The following TGM7 variants were observed in gnomAD, a reference collection of about 807,000 sequenced individuals.
The protein encoded by TGM7 is protein-glutamine gamma-glutamyltransferase Z.
In TGM7, 74 loss-of-function variants were observed where a neutral mutation model predicts 79.5. The observed-to-expected ratio is 0.93, with a 90% CI of 0.77 to 1.13. The LOEUF (loss-of-function observed/expected upper bound fraction) is 1.13. Among genes scored for constraint, TGM7 ranks in the 50% most tolerant of loss-of-function variants. The pLI is 0.00. For missense variants in TGM7, 912 were observed against 905.9 expected, an observed-to-expected ratio of 1.01 and a Z score of -0.09; for synonymous variants, 354 against 362.5, an observed-to-expected ratio of 0.98 and a Z score of 0.27.
intron 4 of TGM7, among the ~76,000 whole-genome samples, chr15:43,290,965 T>C (rs2142414238): frequency 6.6e-6 from 1 of 152,362 alleles, no homozygotes; most frequent in South Asian, 2.1e-4. Context: ...GATTTTGGGC[T>C]GAGACGTTGG....
In TGM7 at chr15:43,284,844, A is replaced by T. The variant is rs2042926866; in HGVS notation, c.974T>A (p.Met325Lys). The change falls in exon 7 of 13, where the codon ATG (methionine) becomes AAG (lysine). Residue 325 changes from methionine to lysine, a missense_variant. Physicochemically the swap from Met to Lys is moderately conservative, Grantham distance 95. Coordinates refer to ENST00000452443, the MANE Select transcript of TGM7 (RefSeq NM_052955.3). ...TTTGTCTCGTTTCTGAGTTGACAGCATCTCGGCATTTCGGTCATAGTACGT... is the reference window on the plus strand; with the variant it reads ...TTTGTCTCGTTTCTGAGTTGACAGCTTCTCGGCATTTCGGTCATAGTACGT... ...IDTYYDRNAE[M>K]LSTQKRDKIW... 1 of 1,614,068 alleles carries T rather than the reference A, an allele frequency of 6.2e-7. No individual in the cohort carries two copies.
In TGM7 at chr15:43,279,856, C is replaced by G. The variant is rs1191004890; in HGVS notation, c.1447G>C (p.Gly483Arg). The change falls in exon 10 of 13, where the codon GGG (glycine) becomes CGG (arginine). Residue 483 changes from glycine (G) to arginine (R), a missense_variant. Coordinates refer to ENST00000452443, the MANE Select transcript of TGM7 (RefSeq NM_052955.3). ...TGCGCTGGCTGATCCCTAAGACCCC[C>G]AGACTCCAGGAGATCCAGGAAGGGC... ...SLPFLDLLES[G>R]GLRDQPAQLQ... 9 of 1,614,256 alleles carry G rather than the reference C, an allele frequency of 5.6e-6. No individual in the cohort carries two copies. The highest frequency in any genetic ancestry group is 7.6e-6 in the Non-Finnish European group (9 of 1,180,050).
intron 1 of TGM7, among the ~76,000 whole-genome samples, chr15:43,294,903 CT>C (rs113207212): frequency 2.0e-3 from 290 of 143,932 alleles, no homozygotes; most frequent in Middle Eastern, 3.7e-3. Context: ...TATCTTGATC[CT>C]TTTTTTTTTT....
chr15:43,287,273 C>G lies in TGM7; in HGVS notation c.865+7G>C. 6.2e-7 allele frequency: 1 copy of G among 1,611,314 alleles called. No homozygotes were observed. Among genetic ancestry groups the G allele is most frequent in the Non-Finnish European group, 8.5e-7 (1 of 1,179,260 alleles). On this transcript the variant is annotated splice_region_variant and intron_variant, in intron 6 of 12. Transcript: ENST00000452443. ...TCACACCCCTAAGTGAGTGATCTTTCGCTCACCGGTGCACATAACAGAGGC... is the reference window on the plus strand; with the variant it reads ...TCACACCCCTAAGTGAGTGATCTTTGGCTCACCGGTGCACATAACAGAGGC...
rs530951588 is a variant in TGM7 at position 43,282,017 on chromosome 15, G to C, written c.1178C>G (p.Thr393Ser). 3 of 1,614,180 alleles carry C rather than the reference G, an allele frequency of 1.9e-6. No homozygotes were observed. The highest frequency in any genetic ancestry group is 2.5e-6 in the Non-Finnish European group (3 of 1,180,030). ...REGDVHLAYD[T>S]PFVYAEVNAD... Reference sequence around the variant, plus strand: ...GTTCACCTCGGCATACACAAAAGGGGTGTCATAGGCCAGGTGGACATCCCC... The same window carrying C: ...GTTCACCTCGGCATACACAAAAGGGCTGTCATAGGCCAGGTGGACATCCCC... The change falls in exon 9 of 13, where the codon ACC (threonine) becomes AGC (serine). Residue 393 changes from threonine to serine, a missense_variant. Transcript: ENST00000452443.
At chr15:43,280,727 C>T (rs1407556625) in intron 9 of TGM7, among the ~76,000 whole-genome samples, 1 of 152,166 alleles carries the variant, frequency 6.6e-6, no homozygotes, top group African/African-American at 2.4e-5. Context: ...ATCATTACCA[C>T]AGTTACTACT....
In TGM7 at chr15:43,276,335, C is replaced by T; in HGVS notation, c.*120G>A. 8.4e-7 allele frequency: 1 copy of T among 1,189,910 alleles called. No homozygotes were observed. Among genetic ancestry groups the T allele is most frequent in the East Asian group, 2.4e-5 (1 of 41,524 alleles). 73.7% of individuals were successfully genotyped at this position (1,189,910 alleles called of 1,614,324 possible). A position where few individuals can be genotyped will look rare whatever the true frequency, so the allele number is the denominator to read the frequency against. On this transcript the variant is annotated 3_prime_UTR_variant, in exon 13 of 13. Transcript: ENST00000452443. ...AAAGCACACGGTGTTTCTAACAGAG[C>T]TTCATTCATTCCCAGGCAGGCTAGA... is the stretch of plus-strand genomic sequence containing the variant.
intron 4 of TGM7, among the ~76,000 whole-genome samples, chr15:43,288,312 C>T (rs1427752210): frequency 1.3e-5 from 2 of 152,148 alleles, no homozygotes; most frequent in East Asian, 1.9e-4. Flanking sequence ...ATGGGGAAAA[C>T]GTGCTCTCCC....
At position 43,279,103 on chromosome 15, in the gene TGM7, T is replaced by G; in HGVS notation, c.1839+14A>C. The G allele has an allele frequency of 6.2e-7, 1 of 1,607,214 alleles. No individual in the cohort carries two copies. The highest frequency in any genetic ancestry group is 1.1e-5 in the South Asian group (1 of 90,446). On this transcript the variant is annotated intron_variant, in intron 11 of 12. Coordinates refer to ENST00000452443, the MANE Select transcript of TGM7 (RefSeq NM_052955.3). ...CAGAGAGCCTCAGAGCCCCCACCCA[T>G]GTCCAGACACTACCTCAATAGACAA...
At chr15:43,295,442 T>C (rs946500045) in intron 1 of TGM7, among the ~76,000 whole-genome samples, 3 of 152,098 alleles carry the variant, frequency 2.0e-5, no homozygotes, top group Non-Finnish European at 4.4e-5. Context: ...ATACAAAAAT[T>C]AGCCAGGCCT....
chr15:43,284,666 G>C, intron 7 of TGM7, 148 bp downstream of exon 7: 1 of 968,292 alleles, frequency 1.0e-6, no homozygotes, highest in Non-Finnish European at 1.6e-6. Context: ...ACAGCCTCCT[G>C]GGTTGGGGAA....
At chr15:43,277,780 T>C (rs1057468291) in intron 11 of TGM7, among the ~76,000 whole-genome samples, 2 of 152,160 alleles carry the variant, frequency 1.3e-5, no homozygotes, top group African/African-American at 4.8e-5. Context: ...ACTAGGGGCT[T>C]GTTCTGGCTG....
intron 9 of TGM7, among the ~76,000 whole-genome samples, chr15:43,280,825 G>C (rs753877044): frequency 7.9e-5 from 12 of 152,202 alleles, no homozygotes; most frequent in Non-Finnish European, 1.5e-4. Flanking sequence ...TTAAGGAAAG[G>C]CTAGCATGCG....
chr15:43,290,972 T>C (rs937568634), intron 4 of TGM7, among the ~76,000 whole-genome samples: 9 of 152,270 alleles, frequency 5.9e-5, no homozygotes, highest in African/African-American at 9.6e-5. Flanking sequence ...GGCTGAGACG[T>C]TGGGGTTTTC....
chr15:43,279,304 G>A, intron 10 of TGM7, 27 bp from the exon 11 acceptor site: 1 of 1,609,090 alleles, frequency 6.2e-7, no homozygotes, highest in Non-Finnish European at 8.5e-7. Flanking sequence ...GACACCTTGA[G>A]TCCAGGACAT....
At chr15:43,299,867 G>A (rs1041373061) in intron 1 of TGM7, among the ~76,000 whole-genome samples, 5 of 152,098 alleles carry the variant, frequency 3.3e-5, no homozygotes, top group African/African-American at 7.2e-5. Flanking sequence ...GATTACTGCC[G>A]TGTTCTGTGC....
chr15:43,301,593 G>T (rs111505886), intron 1 of TGM7, among the ~76,000 whole-genome samples: 1,562 of 149,072 alleles, frequency 0.01, 14 homozygotes, highest in Non-Finnish European at 0.013. Context: ...TCGCGCCATT[G>T]CACTCCAGCC....
At chr15:43,293,318 G>T in intron 2 of TGM7, 131 bp downstream of exon 2, 1 of 1,207,424 alleles carries the variant, frequency 8.3e-7, no homozygotes, top group Non-Finnish European at 1.2e-6. Flanking sequence ...CTGAGCATGA[G>T]GGGTCTGGGG....
At chr15:43,279,304 G>T (rs1266185964) in intron 10 of TGM7, 27 bp from the exon 11 acceptor site, 2 of 1,608,972 alleles carry the variant, frequency 1.2e-6, no homozygotes, top group Non-Finnish European at 1.7e-6. Flanking sequence ...GACACCTTGA[G>T]TCCAGGACAT....
Sources: gnomAD v4.1 joint callset for allele counts (sites outside exome capture counted in the v4.1 genomes callset) on GRCh38, gnomAD v4.1.1 for gene constraint, MANE v1.5 for transcripts, NCBI Gene and HGNC (gene_info 2026-07-23, HGNC 2026-07-21) for gene names.